Variants in LZTFL1 observed in about 807,000 individuals in gnomAD.
The protein encoded by LZTFL1 is leucine zipper transcription factor like 1.
In LZTFL1, 25 loss-of-function variants were observed where a neutral mutation model predicts 45.9. That is an observed-to-expected ratio of 0.54 (90% CI 0.40 to 0.76). LZTFL1 has a LOEUF of 0.76. LZTFL1 is among the 30% of genes least tolerant of loss of function. LZTFL1 has a pLI of 0.00. For missense variants in LZTFL1, 277 were observed against 331.1 expected (o/e 0.84, Z 1.27); for synonymous variants, 93 against 117.4 (o/e 0.79, Z 1.35).
intron 1 of LZTFL1, chr3:45,841,674 G>T (rs969222959): frequency 2.0e-6 from 1 of 509,794 alleles, no homozygotes; most frequent in African/African-American, 1.9e-5. Context: ...GCCGGCAGCA[G>T]TTTCCTCTAT....
intron 2 of LZTFL1, among the ~76,000 whole-genome samples, chr3:45,898,570 A>G (rs140239103): frequency 8.2e-4 from 125 of 152,282 alleles, no homozygotes; most frequent in African/African-American, 2.8e-3. Context: ...TCTCTTTGCA[A>G]TAGGATTTTC....
chr3:45,838,156 A>C (rs1183769726), intron 1 of LZTFL1, 105 bp from the exon 2 acceptor site: 1 of 1,224,632 alleles, frequency 8.2e-7, no homozygotes, highest in Non-Finnish European at 1.1e-6. Flanking sequence ...CTAGATCTCC[A>C]TCAAATTCTA....
intron 2 of LZTFL1, among the ~76,000 whole-genome samples, chr3:45,880,776 C>T (rs1055809328): frequency 1.3e-5 from 2 of 152,096 alleles, no homozygotes; most frequent in Non-Finnish European, 2.9e-5. Context: ...GTCACTCAGG[C>T]CTTAAGTGTC....
At chr3:45,880,691 C>T (rs559934361) in intron 2 of LZTFL1, among the ~76,000 whole-genome samples, 4 of 152,264 alleles carry the variant, frequency 2.6e-5, no homozygotes, top group African/African-American at 9.6e-5. Context: ...TCCTTGGACA[C>T]GTCAAATTCT....
chr3:45,881,134 G>C, intron 2 of LZTFL1, among the ~76,000 whole-genome samples: 1 of 152,216 alleles, frequency 6.6e-6, no homozygotes, highest in African/African-American at 2.4e-5. Context: ...CTCAGGAGTT[G>C]AGGATGACAC....
At chr3:45,888,364 C>T (rs1702047539) in intron 2 of LZTFL1, among the ~76,000 whole-genome samples, 3 of 152,226 alleles carry the variant, frequency 2.0e-5, no homozygotes, top group African/African-American at 4.8e-5. Context: ...GAGCTAAAGA[C>T]ATGACCTCCT....
At position 45,890,337 on chromosome 3, in the gene LZTFL1, C is replaced by CAT. The variant is rs1237727908; in HGVS notation, c.-215+22781_-215+22782dup. Among the ~76,000 whole-genome samples, 243 of 63,138 alleles carry CAT rather than the reference C, an allele frequency of 3.8e-3. 54 individuals are homozygous for CAT. The highest frequency in any genetic ancestry group is 0.027 in the African/African-American group (215 of 7,966). The allele number at this position is 63,138 out of a possible 152,430, so 41.4% of individuals were successfully genotyped here. On this transcript the variant is annotated intron_variant, in intron 2 of 4. Transcript: ENST00000472635. ...TATATTTATATAAATATATATATAACATATATATATAACATATATATATAT... is the reference window on the plus strand; with the variant it reads ...TATATTTATATAAATATATATATAACATATATATATATAACATATATATATAT...
chr3:45,844,063 T>C (rs1355201434), upstream of LZTFL1, among the ~76,000 whole-genome samples: 1 of 148,690 alleles, frequency 6.7e-6, no homozygotes, highest in Non-Finnish European at 1.5e-5. Flanking sequence ...GAGTTCAACA[T>C]AAATAAAATG....
intron 2 of LZTFL1, among the ~76,000 whole-genome samples, chr3:45,868,492 C>T (rs78466562): frequency 1.3e-5 from 2 of 152,262 alleles, no homozygotes; most frequent in African/African-American, 4.8e-5. Context: ...ACATGTAAAG[C>T]TTTTGTTCAC....
At chr3:45,854,906 A>G in intron 4 of LZTFL1, 1 of 1,012,472 alleles carries the variant, frequency 9.9e-7, no homozygotes, top group South Asian at 1.5e-5. Context: ...CATTCATCTA[A>G]TCTGGAATAA....
intron 2 of LZTFL1, among the ~76,000 whole-genome samples, chr3:45,878,531 A>T (rs984502008): frequency 1.3e-5 from 2 of 151,910 alleles, no homozygotes; most frequent in Non-Finnish European, 2.9e-5. Flanking sequence ...TTTCTAATGT[A>T]ATTTCTTATT....
intron 2 of LZTFL1, among the ~76,000 whole-genome samples, chr3:45,891,161 G>C (rs1702168279): frequency 6.6e-6 from 1 of 152,250 alleles, no homozygotes; most frequent in Admixed American, 6.5e-5. Context: ...GAGGGCTGCA[G>C]TGAAATTCGG....
At chr3:45,915,442 C>A in exon 1 of LZTFL1, 1 of 449,688 alleles carries the variant, frequency 2.2e-6, no homozygotes, top group South Asian at 1.6e-5. Flanking sequence ...ACGTTTTGGC[C>A]TCCCAGAAAT....
intron 2 of LZTFL1, among the ~76,000 whole-genome samples, chr3:45,909,907 T>C (rs1044738300): frequency 1.3e-5 from 2 of 152,140 alleles, no homozygotes; most frequent in Non-Finnish European, 2.9e-5. Flanking sequence ...TGAGACAAGG[T>C]GGGACCATCA....
upstream of LZTFL1, among the ~76,000 whole-genome samples, chr3:45,844,271 T>G (rs1040474761): frequency 3.3e-5 from 5 of 152,036 alleles, no homozygotes; most frequent in African/African-American, 1.2e-4. Flanking sequence ...CCCTGTTGTG[T>G]GCAAGGTTCT....
intron 7 of LZTFL1, among the ~76,000 whole-genome samples, chr3:45,830,490 G>C (rs957466857): frequency 2.6e-5 from 4 of 151,992 alleles, no homozygotes; most frequent in Admixed American, 6.6e-5. Flanking sequence ...GTAATGTTCA[G>C]TATAATAAAA....
At chr3:45,876,078 T>A (rs1223991126) in intron 2 of LZTFL1, among the ~76,000 whole-genome samples, 1 of 152,246 alleles carries the variant, frequency 6.6e-6, no homozygotes, top group African/African-American at 2.4e-5. Flanking sequence ...TTGAATAAGA[T>A]AAAGTTCGTA....
chr3:45,914,448 T>A (rs916652299), intron 1 of LZTFL1, among the ~76,000 whole-genome samples: 3 of 152,116 alleles, frequency 2.0e-5, no homozygotes, highest in Non-Finnish European at 4.4e-5. Context: ...TATTTGAATT[T>A]TTTTTGGTAG....
intron 3 of LZTFL1, among the ~76,000 whole-genome samples, chr3:45,857,597 T>C (rs541754172): frequency 1.3e-5 from 2 of 152,326 alleles, no homozygotes; most frequent in East Asian, 3.9e-4. Flanking sequence ...TAGGAGTTAA[T>C]TACATTGACA....
Sources: gnomAD v4.1 joint callset for allele counts (sites outside exome capture counted in the v4.1 genomes callset) on GRCh38, gnomAD v4.1.1 for gene constraint, MANE v1.5 for transcripts, NCBI Gene and HGNC (gene_info 2026-07-23, HGNC 2026-07-21) for gene names.